ESRRG: variants seen among roughly 807,000 people sequenced by gnomAD.
ESRRG encodes the protein estrogen-related receptor gamma.
Under a neutral mutation model 44.0 loss-of-function variants are expected in ESRRG, and 13 were observed. The observed-to-expected ratio is 0.30, with a 90% CI of 0.19 to 0.47. The LOEUF (loss-of-function observed/expected upper bound fraction) is 0.47. Ranked by LOEUF, ESRRG falls within the 20% of genes least tolerant of loss-of-function variation. The pLI, the probability that ESRRG is intolerant of heterozygous loss-of-function variation, is 1.00. For missense variants in ESRRG, 395 were observed against 580.6 expected (o/e 0.68, Z 3.29); for synonymous variants, 215 against 214.6 (o/e 1.00, Z -0.02).
At chr1:217,090,897 C>G (rs986168630), upstream of ESRRG, among the ~76,000 whole-genome samples, 1 of 152,188 alleles carries the variant, frequency 6.6e-6, no homozygotes, top group African/African-American at 2.4e-5. Context: ...GGAGTGGTCT[C>G]AAGAACAATC....
chr1:217,054,747 G>A (rs528215037), intron 1 of ESRRG, among the ~76,000 whole-genome samples: 46 of 151,980 alleles, frequency 3.0e-4, no homozygotes, highest in Non-Finnish European at 6.2e-4. Flanking sequence ...AGAGACATAG[G>A]AGGTGAAGAA....
At chr1:216,565,947 C>A (rs944588291) in intron 4 of ESRRG, among the ~76,000 whole-genome samples, 14 of 150,158 alleles carry the variant, frequency 9.3e-5, no homozygotes, top group African/African-American at 3.2e-4. Flanking sequence ...TAGTAAAGAG[C>A]ATAAAAATAT....
intron 2 of ESRRG, among the ~76,000 whole-genome samples, chr1:216,820,772 G>A (rs748078676): frequency 6.6e-6 from 1 of 152,180 alleles, no homozygotes; most frequent in Non-Finnish European, 1.5e-5. Flanking sequence ...GTAGACAACA[G>A]GTCAAGGGTG....
upstream of ESRRG, among the ~76,000 whole-genome samples, chr1:217,091,228 G>A (rs2092339991): frequency 6.6e-6 from 1 of 152,100 alleles, no homozygotes; most frequent in Admixed American, 6.5e-5. Context: ...ATCATGTATT[G>A]GTGGAGTCAC....
intron 5 of ESRRG, among the ~76,000 whole-genome samples, chr1:216,524,008 T>TAAAATA (rs1346525996): frequency 1.3e-4 from 20 of 152,122 alleles, no homozygotes; most frequent in African/African-American, 4.8e-4. Flanking sequence ...CAAATAAACC[T>TAAAATA]AATGTTTACA....
chr1:216,545,343 C>A (rs1217582477), intron 5 of ESRRG, among the ~76,000 whole-genome samples: 2 of 151,644 alleles, frequency 1.3e-5, no homozygotes, highest in South Asian at 2.1e-4. Flanking sequence ...GATTACAGGC[C>A]TTAGCCACTG....
chr1:216,733,669 A>G (rs1333928223), intron 2 of ESRRG, among the ~76,000 whole-genome samples: 1 of 152,074 alleles, frequency 6.6e-6, no homozygotes, highest in African/African-American at 2.4e-5. Flanking sequence ...CAGCTACAAT[A>G]TTTAGCAACA....
intron 3 of ESRRG, among the ~76,000 whole-genome samples, chr1:216,617,714 ATCTC>A (rs1477938726): frequency 1.3e-5 from 2 of 152,182 alleles, no homozygotes; most frequent in African/African-American, 4.8e-5. Flanking sequence ...GATTAATGTT[ATCTC>A]TCTATTTAAG....
At chr1:217,006,757 T>C (rs2077798182) in intron 1 of ESRRG, among the ~76,000 whole-genome samples, 1 of 152,094 alleles carries the variant, frequency 6.6e-6, no homozygotes, top group Non-Finnish European at 1.5e-5. Context: ...GTGCTTTGAC[T>C]GAAACCCATT....
intron 1 of ESRRG, among the ~76,000 whole-genome samples, chr1:217,085,245 G>A (rs1451403084): frequency 1.3e-5 from 2 of 152,006 alleles, no homozygotes; most frequent in Non-Finnish European, 2.9e-5. Context: ...TTCAAGGTTT[G>A]CAATAATTTT....
chr1:216,728,964 G>T (rs1381772625), intron 2 of ESRRG, among the ~76,000 whole-genome samples: 1 of 152,104 alleles, frequency 6.6e-6, no homozygotes, highest in Admixed American at 6.5e-5. Context: ...TTAATTAGAG[G>T]TGTGTGTTTG....
intron 1 of ESRRG, among the ~76,000 whole-genome samples, chr1:217,132,122 C>T (rs369680605): frequency 8.5e-4 from 129 of 152,252 alleles, no homozygotes; most frequent in African/African-American, 3.0e-3. Flanking sequence ...TTAGGAAAAG[C>T]TTAGCCATTG....
At chr1:217,051,204 C>CGGA (rs1553259180) in intron 1 of ESRRG, among the ~76,000 whole-genome samples, 1 of 33,588 alleles carries the variant, frequency 3.0e-5, no homozygotes, top group Non-Finnish European at 5.8e-5. Context: ...ATAATGGGGG[C>CGGA]GGGGGGGGGG....
At chr1:216,974,846 C>A (rs2072521281) in intron 1 of ESRRG, among the ~76,000 whole-genome samples, 1 of 151,772 alleles carries the variant, frequency 6.6e-6, no homozygotes, top group African/African-American at 2.4e-5. Context: ...ACAGGGAGGG[C>A]AGTTTCTGGG....
chr1:216,647,572 A>G (rs2067910221), intron 3 of ESRRG, among the ~76,000 whole-genome samples: 1 of 152,180 alleles, frequency 6.6e-6, no homozygotes, highest in Non-Finnish European at 1.5e-5. Flanking sequence ...GAGAAAGCAT[A>G]TCTTATAAGA....
chr1:217,003,836 A>C (rs2077380386), intron 1 of ESRRG, among the ~76,000 whole-genome samples: 1 of 151,942 alleles, frequency 6.6e-6, no homozygotes, highest in Admixed American at 6.6e-5. Context: ...ATGTAATTTC[A>C]ATGTCCAGAT....
In ESRRG at chr1:216,710,994, T is replaced by A. The variant is rs139692473; in HGVS notation, c.56+12250A>T. ...CCACCCTTCTCGTTGAAACAAGATG[T>A]AAGCTGTCGTGCATTTACCCAGAAT... is the stretch of plus-strand genomic sequence containing the variant. On this transcript the variant is annotated intron_variant, in intron 1 of 6. Coordinates refer to ENST00000408911, the MANE Select transcript of ESRRG (RefSeq NM_001438.4). 7.2e-5 allele frequency among the ~76,000 whole-genome samples: 11 copies of A among 152,278 alleles called. No individual in the cohort carries two copies. In the East Asian group the frequency reaches 2.1e-3, roughly 29 times the overall value.
chr1:217,111,501 G>T (rs897564187), intron 1 of ESRRG, among the ~76,000 whole-genome samples: 4 of 152,190 alleles, frequency 2.6e-5, no homozygotes, highest in Non-Finnish European at 2.9e-5. Context: ...TTAGTCCATG[G>T]CATTCAAAAC....
chr1:216,656,460 C>T (rs926827933), intron 2 of ESRRG, among the ~76,000 whole-genome samples: 2 of 152,132 alleles, frequency 1.3e-5, no homozygotes, highest in East Asian at 1.9e-4. Flanking sequence ...ATTTCAGAGT[C>T]TTTTGTGCAA....
Sources: allele counts gnomAD v4.1 joint callset (sites outside exome capture counted in the v4.1 genomes callset), GRCh38; gene constraint gnomAD v4.1.1; transcripts MANE v1.5; gene names NCBI Gene and HGNC (gene_info 2026-07-23, HGNC 2026-07-21).